The following LDLRAP1 variants were observed in gnomAD, a reference collection of about 807,000 sequenced individuals.
LDLRAP1 encodes low density lipoprotein receptor adaptor protein 1.
Under a neutral mutation model 37.8 loss-of-function variants are expected in LDLRAP1, and 30 were observed. The observed-to-expected ratio is 0.79, with a 90% confidence interval of 0.59 to 1.08. The LOEUF is 1.08. LDLRAP1 is among the 50% of genes least tolerant of loss of function. The probability of loss-of-function intolerance (pLI) is 0.00; values close to 1 mark genes in which losing one functional copy is unlikely to be tolerated. For missense variants in LDLRAP1, 375 were observed against 401.6 expected (o/e 0.93, Z 0.57); for synonymous variants, 156 against 169.8 (o/e 0.92, Z 0.63).
chr1:25,563,235 C>CAGGAG, intron 6 of LDLRAP1, 82 bp downstream of exon 6: 2 of 1,092,704 alleles, frequency 1.8e-6, no homozygotes, highest in South Asian at 1.3e-5. Context: ...CCTGCCTGGG[C>CAGGAG]TGGGAGAGCC....
Position 25,543,672 on chromosome 1 carries a change from C to T in LDLRAP1, c.-27C>T, listed in dbSNP as rs1310745681. On this transcript the variant is annotated 5_prime_UTR_variant, in exon 1 of 9. Transcript: ENST00000374338. ...TTTCCTGACGGAGTTTTGGCTGCGGCAGCGGCGGCGGCGGCCGGAGCGGGC... is the reference window on the plus strand; with the variant it reads ...TTTCCTGACGGAGTTTTGGCTGCGGTAGCGGCGGCGGCGGCCGGAGCGGGC... 4 of 1,209,022 alleles carry T rather than the reference C, an allele frequency of 3.3e-6. No individual in the cohort carries two copies. The highest frequency in any genetic ancestry group is 3.2e-5 in the African/African-American group (2 of 63,344). The allele number at this position is 1,209,022 out of a possible 1,614,324, so 74.9% of individuals were successfully genotyped here.
chr1:25,551,841 G>A lies in LDLRAP1; in HGVS notation c.89-2081G>A, dbSNP rs980054437. On this transcript the variant is annotated intron_variant, in intron 1 of 8. Coordinates refer to ENST00000374338, the MANE Select transcript of LDLRAP1 (RefSeq NM_015627.3). ...GGGGCCAGGGCTGGGGATGGGATGGGGTTGTCCTCGTCATTTCTTCCTTGA... is the reference window on the plus strand; with the variant it reads ...GGGGCCAGGGCTGGGGATGGGATGGAGTTGTCCTCGTCATTTCTTCCTTGA... Among the ~76,000 whole-genome samples the A allele has an allele frequency of 2.0e-5, 3 of 152,230 alleles. No homozygotes were observed. In the South Asian group the frequency reaches 6.2e-4, roughly 32 times the overall value.
intron 4 of LDLRAP1, among the ~76,000 whole-genome samples, chr1:25,558,070 C>T (rs2044252114): frequency 6.6e-6 from 1 of 152,080 alleles, no homozygotes; most frequent in African/African-American, 2.4e-5. Flanking sequence ...TGAGTGGGAA[C>T]CTTGGTGGTC....
chr1:25,570,647 C>G (rs2044592066), downstream of LDLRAP1, among the ~76,000 whole-genome samples: 1 of 152,098 alleles, frequency 6.6e-6, no homozygotes, highest in East Asian at 1.9e-4. Flanking sequence ...ATCACGAGGT[C>G]AGGAGATCGA....
chr1:25,564,974 C>A, intron 7 of LDLRAP1, 199 bp from the exon 8 acceptor site: 1 of 619,838 alleles, frequency 1.6e-6, no homozygotes, highest in East Asian at 2.8e-5. Flanking sequence ...TCCTCTCCCA[C>A]GTCTCCAGCT....
chr1:25,575,326 C>T, the LDLRAP1 span, among the ~76,000 whole-genome samples: 4 of 150,868 alleles, frequency 2.7e-5, no homozygotes, highest in South Asian at 2.1e-4. Flanking sequence ...GGGCTCATGC[C>T]TGTAATCCAA....
chr1:25,566,031 C>T (rs1013036559), intron 8 of LDLRAP1, among the ~76,000 whole-genome samples: 2 of 152,302 alleles, frequency 1.3e-5, no homozygotes, highest in Admixed American at 6.5e-5. Flanking sequence ...GCGAGGGCGA[C>T]AGTGACACCT....
At chr1:25,547,229 T>A (rs2043955902) in intron 1 of LDLRAP1, among the ~76,000 whole-genome samples, 1 of 152,036 alleles carries the variant, frequency 6.6e-6, no homozygotes, top group Non-Finnish European at 1.5e-5. Flanking sequence ...ATGCCTGTAA[T>A]CCCAGCACTT....
At chr1:25,586,753 A>AGAT in the LDLRAP1 span, among the ~76,000 whole-genome samples, 1 of 152,136 alleles carries the variant, frequency 6.6e-6, no homozygotes, top group Non-Finnish European at 1.5e-5. This position sits in a 1 kb window ranked among gnomAD's most constrained non-coding sequence, Gnocchi z 4.3. Flanking sequence ...AGGCCTGAGC[A>AGAT]GATGGGGGCC....
intron 4 of LDLRAP1, 200 bp downstream of exon 4, chr1:25,557,467 G>A (rs1369294200): frequency 5.3e-5 from 32 of 601,194 alleles, no homozygotes; most frequent in Non-Finnish European, 7.2e-5. Context: ...GTGAACCGCC[G>A]GTCAGCTTTG....
At chr1:25,589,431 T>G in the LDLRAP1 span, among the ~76,000 whole-genome samples, 1 of 152,198 alleles carries the variant, frequency 6.6e-6, no homozygotes, top group Non-Finnish European at 1.5e-5. Context: ...GATGCCCAGA[T>G]AGCTGGTAAA....
the LDLRAP1 span, among the ~76,000 whole-genome samples, chr1:25,588,511 C>G: frequency 4.6e-5 from 7 of 152,198 alleles, no homozygotes; most frequent in Non-Finnish European, 1.0e-4. Context: ...ATCTAAAGCA[C>G]AGCACTTAAT....
In LDLRAP1 at chr1:25,557,140, C is replaced by G. The variant is rs1451544635; in HGVS notation, c.345-13C>G. 1 of 1,605,334 alleles carries G rather than the reference C, an allele frequency of 6.2e-7. No individual in the cohort carries two copies. The highest frequency in any genetic ancestry group is 1.1e-5 in the South Asian group (1 of 90,920). On this transcript the variant is annotated splice_polypyrimidine_tract_variant and intron_variant, in intron 3 of 8. Transcript: ENST00000374338. ...TGTGCCAGGTCTGGTGATGCTTCCT[C>G]CTTGCCTTTCAGGATCTCCTATTGC...
the LDLRAP1 span, among the ~76,000 whole-genome samples, chr1:25,579,632 T>G: frequency 1.3e-5 from 2 of 152,230 alleles, no homozygotes; most frequent in African/African-American, 2.4e-5. Context: ...CTTTTTTCCT[T>G]GAATCGCCCA....
rs1305015687 is a variant in LDLRAP1 at position 25,565,193 on chromosome 1, T to G, written c.768T>G (p.Asp256Glu). The change falls in exon 8 of 9, where the codon GAT becomes GAG. Residue 256 changes from aspartate (D) to glutamate (E), a missense_variant. By Grantham distance (45) the Asp-to-Glu change is conservative (BLOSUM62 2). Transcript: ENST00000374338. Reference sequence around the variant, plus strand: ...CCAAGGAGCTGGATGATGGCCTGGATGAAGCGTTTTCGAGGTAATGCTAGC... The same window carrying G: ...CCAAGGAGCTGGATGATGGCCTGGAGGAAGCGTTTTCGAGGTAATGCTAGC... ...SVVWELDDGL[D>E]EAFSRLAQSR... 3.7e-6 allele frequency: 6 copies of G among 1,614,214 alleles called. No individual in the cohort carries two copies. The highest frequency in any genetic ancestry group is 5.1e-6 in the Non-Finnish European group (6 of 1,180,024).
intron 1 of LDLRAP1, among the ~76,000 whole-genome samples, chr1:25,546,162 G>T (rs2043929272): frequency 6.6e-6 from 1 of 152,154 alleles, no homozygotes; most frequent in African/African-American, 2.4e-5. Flanking sequence ...TGGGGGTGGG[G>T]GTGCTAGGGT....
intron 1 of LDLRAP1, among the ~76,000 whole-genome samples, chr1:25,549,022 A>G (rs1280810114): frequency 2.6e-5 from 4 of 152,226 alleles, no homozygotes; most frequent in African/African-American, 4.8e-5. Flanking sequence ...TCCACAGCCC[A>G]TAGCATATTT....
At position 25,544,563 on chromosome 1, in the gene LDLRAP1, T is replaced by C. The variant is rs1049264693; in HGVS notation, c.88+777T>C. ...CGACAGACTCGCCGCCACCTCTCCC[T>C]GGGGCGTCTGGGAGGCTGGGAGGGG... On this transcript the variant is annotated intron_variant, in intron 1 of 8. Transcript: ENST00000374338. This position sits in a 1 kb window ranked among gnomAD's most constrained non-coding sequence, Gnocchi z 4.8. Among the ~76,000 whole-genome samples, 4 of 152,206 alleles carry C rather than the reference T, an allele frequency of 2.6e-5. No individual in the cohort carries two copies. The highest frequency in any genetic ancestry group is 4.8e-5 in the African/African-American group (2 of 41,458).
intron 5 of LDLRAP1, 31 bp from the exon 6 acceptor site, chr1:25,563,039 G>A: frequency 6.2e-7 from 1 of 1,601,836 alleles, no homozygotes; most frequent in Non-Finnish European, 8.6e-7. Context: ...TGGGGTCTGA[G>A]GCTCCAACAT....
Sources: gnomAD v4.1 joint callset for allele counts (sites outside exome capture counted in the v4.1 genomes callset) on GRCh38, gnomAD v4.1.1 for gene constraint, Gnocchi (gnomAD v3.1) non-coding constraint, MANE v1.5 for transcripts, NCBI Gene and HGNC (gene_info 2026-07-23, HGNC 2026-07-21) for gene names.